WDFY4: variants seen among roughly 807,000 people sequenced by gnomAD.
WDFY4 encodes the protein WD repeat- and FYVE domain-containing protein 4.
In WDFY4, 169 loss-of-function variants were observed where a neutral mutation model predicts 351.9. That is an observed-to-expected ratio of 0.48 (90% CI 0.42 to 0.55). WDFY4 has a LOEUF of 0.55. Among genes scored for constraint, WDFY4 ranks in the 20% least tolerant of loss-of-function variants. The pLI is 0.00. For synonymous variants in WDFY4, 1,622 were observed against 1,574.6 expected (o/e 1.03, Z -0.71); for missense variants, 3,803 against 3,935.6 (o/e 0.97, Z 0.90).
At chr10:48,941,694 G>C in intron 47 of WDFY4, 112 bp from the exon 48 acceptor site, 1 of 1,106,160 alleles carries the variant, frequency 9.0e-7, no homozygotes, top group Non-Finnish European at 1.3e-6. Context: ...TGGGAAGTCT[G>C]CAGCTTTCCT....
At chr10:48,703,619 G>A (rs1203687669) in intron 1 of WDFY4, among the ~76,000 whole-genome samples, 1 of 152,138 alleles carries the variant, frequency 6.6e-6, no homozygotes, top group Non-Finnish European at 1.5e-5. Flanking sequence ...AGCTTTTCCT[G>A]GGAACAGCTT....
At chr10:48,731,664 A>C (rs1356936432) in intron 9 of WDFY4, 102 bp downstream of exon 9, 18 of 1,311,626 alleles carry the variant, frequency 1.4e-5, no homozygotes, top group Middle Eastern at 2.6e-4. Flanking sequence ...GAAAGTGAGC[A>C]TGCCCATGTC....
intron 30 of WDFY4, among the ~76,000 whole-genome samples, chr10:48,812,843 A>G (rs759183631): frequency 9.9e-5 from 15 of 151,988 alleles, no homozygotes; most frequent in Non-Finnish European, 1.5e-4. Flanking sequence ...AGTCTCCTAA[A>G]TCATCTTCAG....
At chr10:48,776,090 C>T (rs899391318) in intron 15 of WDFY4, among the ~76,000 whole-genome samples, 4 of 152,140 alleles carry the variant, frequency 2.6e-5, no homozygotes, top group Admixed American at 6.5e-5. Context: ...CATGACACAG[C>T]AGTACGTGGC....
At chr10:48,731,925 G>A (rs557646989) in intron 9 of WDFY4, among the ~76,000 whole-genome samples, 1 of 152,294 alleles carries the variant, frequency 6.6e-6, no homozygotes, top group South Asian at 2.1e-4. Context: ...GGGTCTGCTG[G>A]GATATGGCTT....
chr10:48,960,245 G>A (rs552766083), intron 53 of WDFY4, among the ~76,000 whole-genome samples: 51 of 152,346 alleles, frequency 3.3e-4, no homozygotes, highest in African/African-American at 1.2e-3. Context: ...GACATGGGTA[G>A]AGACCAGAGG....
chr10:48,831,619 G>A (rs930816296), intron 38 of WDFY4, among the ~76,000 whole-genome samples: 3 of 152,254 alleles, frequency 2.0e-5, no homozygotes, highest in South Asian at 4.1e-4. Context: ...TACATATCTG[G>A]TTTTGTCCAT....
intron 1 of WDFY4, among the ~76,000 whole-genome samples, chr10:48,692,711 G>A (rs1219908617): frequency 6.6e-6 from 1 of 152,194 alleles, no homozygotes; most frequent in Non-Finnish European, 1.5e-5. Context: ...ACCCTTGTGT[G>A]GCCTGCCTGA....
At chr10:48,878,211 G>C (rs1196218815) in intron 43 of WDFY4, 1 of 152,272 alleles carries the variant, frequency 6.6e-6, no homozygotes, top group Non-Finnish European at 1.5e-5. Context: ...CTTTTCCATA[G>C]GGATATAAGT....
intron 39 of WDFY4, among the ~76,000 whole-genome samples, chr10:48,847,863 G>A (rs1040105923): frequency 6.6e-6 from 1 of 152,096 alleles, no homozygotes; most frequent in Admixed American, 6.5e-5. Context: ...AGAAACCACC[G>A]TTCATCTCAG....
intron 1 of WDFY4, among the ~76,000 whole-genome samples, chr10:48,693,028 G>A (rs1253632381): frequency 6.6e-6 from 1 of 152,164 alleles, no homozygotes; most frequent in African/African-American, 2.4e-5. Context: ...TGAAGGGGGA[G>A]ATTTCCAGGC....
chr10:48,755,173 A>G (rs2132489461), intron 12 of WDFY4, among the ~76,000 whole-genome samples: 1 of 152,286 alleles, frequency 6.6e-6, no homozygotes, highest in Admixed American at 6.5e-5. Flanking sequence ...GGAAGCATAC[A>G]TGTGTAATCT....
At chr10:48,896,764 C>T (rs977092355) in intron 44 of WDFY4, among the ~76,000 whole-genome samples, 1 of 152,214 alleles carries the variant, frequency 6.6e-6, no homozygotes, top group African/African-American at 2.4e-5. Flanking sequence ...GCTCTGTACT[C>T]CCCAATCCTG....
intron 39 of WDFY4, among the ~76,000 whole-genome samples, chr10:48,834,297 T>C (rs1329938376): frequency 6.6e-6 from 1 of 152,168 alleles, no homozygotes; most frequent in Non-Finnish European, 1.5e-5. Flanking sequence ...GTTAAGGGCT[T>C]TTCAGTCATT....
At chr10:48,968,728 A>G in intron 55 of WDFY4, 1 of 301,138 alleles carries the variant, frequency 3.3e-6, no homozygotes. Flanking sequence ...CCAGACTTGG[A>G]ATGAGGTCTG....
At chr10:48,901,257 C>T (rs148721283) in intron 46 of WDFY4, among the ~76,000 whole-genome samples, 1,907 of 152,360 alleles carry the variant, frequency 0.013, 14 homozygotes, top group Non-Finnish European at 0.019. Context: ...ATATTCAAGG[C>T]CTAGTTTAGA....
At chr10:48,897,685 T>C (rs1837154114) in intron 45 of WDFY4, 111 bp downstream of exon 45, 3 of 1,452,084 alleles carry the variant, frequency 2.1e-6, no homozygotes, top group African/African-American at 2.8e-5. Flanking sequence ...TTTGTGCCTA[T>C]GCACAGCCCA....
At chr10:48,746,974 T>G (rs2065033257) in intron 12 of WDFY4, among the ~76,000 whole-genome samples, 1 of 152,246 alleles carries the variant, frequency 6.6e-6, no homozygotes, top group African/African-American at 2.4e-5. Context: ...TGCTCACCAT[T>G]CTTTTTTGCA....
At chr10:48,894,474 C>T (rs985279287) in intron 44 of WDFY4, among the ~76,000 whole-genome samples, 1 of 152,220 alleles carries the variant, frequency 6.6e-6, no homozygotes, top group Non-Finnish European at 1.5e-5. Context: ...AAAGTCTCAC[C>T]TCTCTGGAAT....
Sources: gnomAD v4.1 joint callset for allele counts (sites outside exome capture counted in the v4.1 genomes callset) on GRCh38, gnomAD v4.1.1 for gene constraint, MANE v1.5 for transcripts, NCBI Gene and HGNC (gene_info 2026-07-23, HGNC 2026-07-21) for gene names.